Variants in GLI2 observed in about 807,000 individuals in gnomAD.
GLI2 encodes the protein transcription activator GLI2.
In GLI2, 22 loss-of-function variants were observed where a neutral mutation model predicts 78.9. The observed-to-expected ratio is 0.28, with a 90% CI of 0.20 to 0.40. GLI2 has a LOEUF of 0.40. Ranked by LOEUF, GLI2 falls within the 10% of genes least tolerant of loss-of-function variation. The pLI is 1.00. For synonymous variants in GLI2, 974 were observed against 963.7 expected (o/e 1.01, Z -0.20); for missense variants, 2,097 against 2,213.2 (o/e 0.95, Z 1.05).
intron 1 of GLI2, among the ~76,000 whole-genome samples, chr2:120,782,770 C>T (rs1356440896): frequency 6.6e-6 from 1 of 152,222 alleles, no homozygotes; most frequent in African/African-American, 2.4e-5. Context: ...AACCCACTGG[C>T]CACCGCTGGC....
intron 2 of GLI2, among the ~76,000 whole-genome samples, chr2:120,898,464 G>A (rs1489939482): frequency 1.3e-5 from 2 of 152,156 alleles, no homozygotes; most frequent in African/African-American, 4.8e-5. Context: ...ACTGAATTGG[G>A]GTGCGTTTGT....
At chr2:120,783,854 T>C (rs933238356) in intron 1 of GLI2, among the ~76,000 whole-genome samples, 5 of 152,198 alleles carry the variant, frequency 3.3e-5, no homozygotes, top group African/African-American at 1.2e-4. Flanking sequence ...CGGTTGCTCT[T>C]GAAAACTAGC....
intron 1 of GLI2, among the ~76,000 whole-genome samples, chr2:120,761,880 G>A (rs707491): frequency 0.69 from 104,285 of 152,034 alleles, 37,493 homozygotes; most frequent in African/African-American, 0.92. Flanking sequence ...TTGTGGGGAG[G>A]TTCTGCACCC....
In GLI2 at chr2:120,989,435, T is replaced by C; in HGVS notation, c.3470T>C (p.Val1157Ala). 6.2e-7 allele frequency: 1 copy of C among 1,613,038 alleles called. No individual in the cohort carries two copies. Among genetic ancestry groups the C allele is most frequent in the Middle Eastern group, 1.6e-4 (1 of 6,062 alleles). ...TTTCCTCAGGGCAACCTGGCGGTGG[T>C]GCAGCAGAAGCCTGCCTTTGGCCAG... ...PPFPQGNLAV[V>A]QQKPAFGQYP... Residue 1157 changes from valine to alanine, a missense_variant, in exon 14 of 14, where the codon GTG (valine) becomes GCG (alanine). Transcript: ENST00000361492.
At chr2:120,863,121 C>G (rs1009388422) in intron 2 of GLI2, among the ~76,000 whole-genome samples, 30 of 152,358 alleles carry the variant, frequency 2.0e-4, no homozygotes, top group Admixed American at 1.0e-3. Context: ...TTAGACAACT[C>G]ACAACTTGGA....
intron 2 of GLI2, among the ~76,000 whole-genome samples, chr2:120,819,257 T>TTC (rs1558814180): frequency 4.7e-5 from 7 of 150,166 alleles, no homozygotes; most frequent in African/African-American, 1.7e-4. Flanking sequence ...TTTTTTTTTT[T>TTC]TTGAGATGGA....
At chr2:120,845,403 C>T (rs1687068587) in intron 2 of GLI2, among the ~76,000 whole-genome samples, 1 of 152,208 alleles carries the variant, frequency 6.6e-6, no homozygotes, top group South Asian at 2.1e-4. Flanking sequence ...AGGAAACATC[C>T]CCACTTGGCT....
chr2:120,776,698 G>A (rs908392257), intron 1 of GLI2, among the ~76,000 whole-genome samples: 2 of 152,208 alleles, frequency 1.3e-5, no homozygotes, highest in African/African-American at 4.8e-5. Flanking sequence ...TCCCTGTGAG[G>A]CTGTGAGGTT....
chr2:120,933,692 C>G (rs933955387), intron 3 of GLI2, among the ~76,000 whole-genome samples: 1 of 152,200 alleles, frequency 6.6e-6, no homozygotes, highest in Non-Finnish European at 1.5e-5. Flanking sequence ...CCCATTTCCT[C>G]AGTGTATGTG....
At chr2:120,750,369 T>G (rs1311629908) in intron 1 of GLI2, among the ~76,000 whole-genome samples, 1 of 152,216 alleles carries the variant, frequency 6.6e-6, no homozygotes, top group Non-Finnish European at 1.5e-5. Context: ...AGCTGTGGCA[T>G]GGCCATTGGG....
intron 2 of GLI2, among the ~76,000 whole-genome samples, chr2:120,875,544 G>A (rs114476444): frequency 0.011 from 1,731 of 152,348 alleles, 35 homozygotes; most frequent in African/African-American, 0.039. Flanking sequence ...TGCAGACCCC[G>A]CCCTGTGCCG....
chr2:120,815,332 G>A lies in GLI2; in HGVS notation c.148+17864G>A, dbSNP rs566830597. Among the ~76,000 whole-genome samples the A allele has an allele frequency of 1.6e-3, 236 of 152,226 alleles. 2 individuals are homozygous for A. In the South Asian group the frequency reaches 0.017, roughly 11 times the overall value. ...GAGAAAGCACCTCAGCCTTTATGGC[G>A]CCACAACCCATCTGTAACAGGAGCT... On this transcript the variant is annotated intron_variant, in intron 2 of 13. Transcript: ENST00000361492.
chr2:120,969,319 C>T (rs541178408), intron 6 of GLI2, among the ~76,000 whole-genome samples: 8 of 152,306 alleles, frequency 5.3e-5, no homozygotes, highest in Admixed American at 3.3e-4. Flanking sequence ...CCTCTGTAGC[C>T]GCATGGTGGC....
At chr2:120,955,462 G>C (rs766913424) in intron 5 of GLI2, 32 bp downstream of exon 5, 11 of 1,409,848 alleles carry the variant, frequency 7.8e-6, no homozygotes, top group Non-Finnish European at 9.7e-6. Context: ...CTGAGGATGG[G>C]GCTAGCAGAT....
At chr2:120,834,698 G>A (rs1686522346) in intron 2 of GLI2, among the ~76,000 whole-genome samples, 1 of 152,174 alleles carries the variant, frequency 6.6e-6, no homozygotes, top group South Asian at 2.1e-4. Flanking sequence ...AGACCCCTTT[G>A]TTCACAGACC....
chr2:120,925,805 G>T (rs868317507), intron 2 of GLI2, among the ~76,000 whole-genome samples: 15 of 151,986 alleles, frequency 9.9e-5, no homozygotes, highest in South Asian at 2.1e-4. Flanking sequence ...GGGCGTGGTG[G>T]CTCACGCCTG....
chr2:120,748,570 C>A (rs1174134204), intron 1 of GLI2, among the ~76,000 whole-genome samples: 1 of 152,098 alleles, frequency 6.6e-6, no homozygotes, highest in African/African-American at 2.4e-5. Flanking sequence ...GCTTTGTGGT[C>A]CCCCCGGATG....
At position 120,955,884 on chromosome 2, in the gene GLI2, G is replaced by A. The variant is rs1326737743; in HGVS notation, c.643+454G>A. On this transcript the variant is annotated intron_variant, in intron 5 of 13. Transcript: ENST00000361492. ...CAGGCAGAGGAAACTGCAGTGCAAAGGGCCTGAGGCAGCAGTGGGCCTGCC... is the reference window on the plus strand; with the variant it reads ...CAGGCAGAGGAAACTGCAGTGCAAAAGGCCTGAGGCAGCAGTGGGCCTGCC... Among the ~76,000 whole-genome samples, 3 of 152,144 alleles carry A rather than the reference G, an allele frequency of 2.0e-5. No individual in the cohort carries two copies. In the East Asian group the frequency reaches 5.8e-4, roughly 29 times the overall value.
chr2:120,794,784 C>T (rs1035612849), intron 1 of GLI2, among the ~76,000 whole-genome samples: 20 of 152,134 alleles, frequency 1.3e-4, no homozygotes, highest in Admixed American at 7.2e-4. Flanking sequence ...TCTTAAGGGG[C>T]GGATTTTAAA....
Sources: allele counts gnomAD v4.1 joint callset (sites outside exome capture counted in the v4.1 genomes callset), GRCh38; gene constraint gnomAD v4.1.1; transcripts MANE v1.5; gene names NCBI Gene and HGNC (gene_info 2026-07-23, HGNC 2026-07-21).